AP3S1: variants seen among roughly 807,000 people sequenced by gnomAD.
AP3S1 encodes the protein adaptor related protein complex 3 subunit sigma 1.
AP3S1 carries 12 observed loss-of-function variants against 21.3 expected under a neutral mutation model. The ratio of observed to expected loss-of-function variants is 0.56; its 90% CI spans 0.36 to 0.91. The LOEUF is 0.91. AP3S1 is among the 40% of genes least tolerant of loss of function. The pLI is 0.01. For missense variants in AP3S1, 116 were observed against 225.0 expected (o/e 0.52, Z 3.10); for synonymous variants, 48 against 78.4 (o/e 0.61, Z 2.05).
At chr5:115,849,746 G>T (rs1271085479) in intron 1 of AP3S1, among the ~76,000 whole-genome samples, 1 of 152,048 alleles carries the variant, frequency 6.6e-6, no homozygotes, top group Non-Finnish European at 1.5e-5. Context: ...GTGTTGCTAG[G>T]CCAGTGAATG....
chr5:115,909,614 G>A (rs1331999899), intron 5 of AP3S1, among the ~76,000 whole-genome samples: 5 of 152,226 alleles, frequency 3.3e-5, no homozygotes, highest in African/African-American at 1.2e-4. Flanking sequence ...TGCCATGGTG[G>A]TGCTCAGGTA....
Position 115,861,263 on chromosome 5 carries a change from G to A in AP3S1, c.70-5407G>A, listed in dbSNP as rs547848112. Among the ~76,000 whole-genome samples, 7 of 152,240 alleles carry A rather than the reference G, an allele frequency of 4.6e-5. No homozygotes were observed. The East Asian group carries it at 1.2e-3, about 25-fold the overall frequency. On this transcript the variant is annotated intron_variant, in intron 1 of 5. Transcript: ENST00000316788. Reference sequence around the variant, plus strand: ...TGGAGTGTGGAAGTTGTTCCCAGACGGAAGTGGGAAAATGTGAAGAAGGTG... The same window carrying A: ...TGGAGTGTGGAAGTTGTTCCCAGACAGAAGTGGGAAAATGTGAAGAAGGTG...
rs574255864 is a variant in AP3S1, at chr5:115,846,845, T to C, written c.69+4739T>C. On this transcript the variant is annotated intron_variant, in intron 1 of 5. Transcript: ENST00000316788. Reference sequence around the variant, plus strand: ...CATACGATTTGGTTTCCTTCCATATTAGTTATAATGCGTTTGTCTGCATAA... The same window carrying C: ...CATACGATTTGGTTTCCTTCCATATCAGTTATAATGCGTTTGTCTGCATAA... Among the ~76,000 whole-genome samples, 9 of 152,304 alleles carry C rather than the reference T, an allele frequency of 5.9e-5. No homozygotes were observed. The East Asian group carries it at 1.7e-3, about 29-fold the overall frequency.
At chr5:115,847,657 A>C (rs149029287) in intron 1 of AP3S1, among the ~76,000 whole-genome samples, 1 of 152,188 alleles carries the variant, frequency 6.6e-6, no homozygotes, top group East Asian at 1.9e-4. Context: ...TGAGGTATAG[A>C]TGACAAAAAA....
chr5:115,862,818 A>C (rs1052995096), intron 1 of AP3S1, among the ~76,000 whole-genome samples: 1 of 152,224 alleles, frequency 6.6e-6, no homozygotes, highest in Non-Finnish European at 1.5e-5. Flanking sequence ...ATGAAGTGCT[A>C]CTAGTGATGT....
chr5:115,905,281 G>A (rs562083840), intron 5 of AP3S1, among the ~76,000 whole-genome samples: 14 of 152,216 alleles, frequency 9.2e-5, no homozygotes, highest in Admixed American at 3.9e-4. Flanking sequence ...AGTAAAATGC[G>A]TAATTTACAT....
At chr5:115,882,029 G>A (rs926798129) in intron 3 of AP3S1, among the ~76,000 whole-genome samples, 6 of 151,682 alleles carry the variant, frequency 4.0e-5, no homozygotes, top group African/African-American at 1.2e-4. Flanking sequence ...AAGTTCTCCT[G>A]CTGTGTTTTT....
intron 1 of AP3S1, among the ~76,000 whole-genome samples, chr5:115,854,782 A>T (rs979772414): frequency 6.6e-6 from 1 of 150,824 alleles, no homozygotes; most frequent in African/African-American, 2.4e-5. Context: ...ATGTAACTTC[A>T]TACTCCCCAT....
At chr5:115,899,295 T>C (rs1328281017) in intron 4 of AP3S1, among the ~76,000 whole-genome samples, 1 of 152,152 alleles carries the variant, frequency 6.6e-6, no homozygotes, top group Non-Finnish European at 1.5e-5. Flanking sequence ...TAGCCATTAA[T>C]AACATCTTGG....
chr5:115,862,679 C>T (rs1020238284), intron 1 of AP3S1, among the ~76,000 whole-genome samples: 1 of 152,182 alleles, frequency 6.6e-6, no homozygotes, highest in African/African-American at 2.4e-5. Flanking sequence ...CTAATCATCT[C>T]CTGGTGAGCA....
At chr5:115,872,452 C>T (rs1376634596) in intron 3 of AP3S1, among the ~76,000 whole-genome samples, 1 of 151,950 alleles carries the variant, frequency 6.6e-6, no homozygotes, top group Non-Finnish European at 1.5e-5. Flanking sequence ...GGCACATATT[C>T]CTGGTATATG....
intron 3 of AP3S1, among the ~76,000 whole-genome samples, chr5:115,877,397 T>A (rs1431774445): frequency 1.3e-5 from 2 of 152,070 alleles, no homozygotes; most frequent in Admixed American, 1.3e-4. Flanking sequence ...TTCCCCTCCC[T>A]GTGTCCATGT....
intron 3 of AP3S1, among the ~76,000 whole-genome samples, chr5:115,883,470 C>A (rs534564176): frequency 1.5e-4 from 23 of 152,196 alleles, no homozygotes; most frequent in Middle Eastern, 3.2e-3. Context: ...GTTCCTCAAC[C>A]CCTTACGCTT....
intron 3 of AP3S1, among the ~76,000 whole-genome samples, chr5:115,878,250 G>A (rs1748908857): frequency 6.6e-6 from 1 of 152,116 alleles, no homozygotes; most frequent in Non-Finnish European, 1.5e-5. Flanking sequence ...ATTGCTTTTG[G>A]TGTTTTAGTC....
intron 4 of AP3S1, among the ~76,000 whole-genome samples, chr5:115,897,926 G>T (rs1750895356): frequency 6.6e-6 from 1 of 152,092 alleles, no homozygotes; most frequent in Non-Finnish European, 1.5e-5. Context: ...GACTGCTTCT[G>T]GGTCACAACT....
chr5:115,845,927 T>C (rs570509973), intron 1 of AP3S1, among the ~76,000 whole-genome samples: 1 of 150,632 alleles, frequency 6.6e-6, no homozygotes, highest in Admixed American at 6.6e-5. Flanking sequence ...TCTATATCCT[T>C]GGTCTATGAC....
chr5:115,873,229 A>G (rs919209684), intron 3 of AP3S1, among the ~76,000 whole-genome samples: 3 of 152,206 alleles, frequency 2.0e-5, no homozygotes, highest in Non-Finnish European at 4.4e-5. Flanking sequence ...GGGAGTTTTC[A>G]AAGAACAAAC....
At chr5:115,842,335 C>T (rs1294560537) in intron 1 of AP3S1, among the ~76,000 whole-genome samples, 3 of 152,190 alleles carry the variant, frequency 2.0e-5, no homozygotes, top group African/African-American at 7.2e-5. Flanking sequence ...TTCCTCCGCC[C>T]GTCGGTGGGC....
chr5:115,892,329 T>A (rs1391498583), intron 3 of AP3S1, among the ~76,000 whole-genome samples: 2 of 152,098 alleles, frequency 1.3e-5, no homozygotes, highest in African/African-American at 4.8e-5. Flanking sequence ...AGAAAAGAAA[T>A]CAGTGTGTCA....
Sources: gnomAD v4.1 joint callset for allele counts (sites outside exome capture counted in the v4.1 genomes callset) on GRCh38, gnomAD v4.1.1 for gene constraint, MANE v1.5 for transcripts, NCBI Gene and HGNC (gene_info 2026-07-23, HGNC 2026-07-21) for gene names.